DLC1: variants seen among roughly 807,000 people sequenced by gnomAD.
The protein encoded by DLC1 is rho GTPase-activating protein 7.
DLC1 carries 54 observed loss-of-function variants against 140.3 expected under a neutral mutation model. The observed-to-expected ratio is 0.38, with a 90% confidence interval of 0.31 to 0.48. The LOEUF (loss-of-function observed/expected upper bound fraction) is 0.48. Ranked by LOEUF, DLC1 falls within the 20% of genes least tolerant of loss-of-function variation. The pLI is 0.96. For synonymous variants in DLC1, 986 were observed against 728.1 expected, an observed-to-expected ratio of 1.35 and a Z score of -5.70; for missense variants, 2,536 against 1,907.0, an observed-to-expected ratio of 1.33 and a Z score of -6.14.
chr8:13,587,622 T>TATAC (rs1563459796), intron 1 of DLC1, among the ~76,000 whole-genome samples: 1 of 137,162 alleles, frequency 7.3e-6, no homozygotes, highest in Admixed American at 7.5e-5. Flanking sequence ...TATATATATA[T>TATAC]ATACATTGCC....
intron 2 of DLC1, among the ~76,000 whole-genome samples, chr8:13,473,617 G>A (rs934863313): frequency 1.3e-5 from 2 of 151,976 alleles, no homozygotes; most frequent in African/African-American, 2.4e-5. Flanking sequence ...ACTTTCTAGA[G>A]ACTTGTTGAA....
At chr8:13,581,358 C>T (rs1026335416) in intron 1 of DLC1, among the ~76,000 whole-genome samples, 1 of 152,180 alleles carries the variant, frequency 6.6e-6, no homozygotes, top group Admixed American at 6.5e-5. Context: ...CTGTCCCAAA[C>T]AAAACTCTTG....
intron 5 of DLC1, among the ~76,000 whole-genome samples, chr8:13,291,200 C>T (rs556109253): frequency 2.6e-5 from 4 of 152,236 alleles, no homozygotes; most frequent in East Asian, 1.9e-4. Context: ...TGAGCCACTG[C>T]GCCTGGCCAT....
At chr8:13,240,489 C>T (rs889658628) in intron 5 of DLC1, among the ~76,000 whole-genome samples, 4 of 152,114 alleles carry the variant, frequency 2.6e-5, no homozygotes, top group Admixed American at 1.3e-4. Flanking sequence ...TATATGATCA[C>T]AGCTCAGCTC....
chr8:13,359,919 A>G (rs191739487), intron 4 of DLC1, among the ~76,000 whole-genome samples: 38 of 152,314 alleles, frequency 2.5e-4, no homozygotes, highest in African/African-American at 8.7e-4. Context: ...TTGCAGATGC[A>G]TTTACACTTG....
At chr8:13,281,049 C>T (rs956799877) in intron 5 of DLC1, among the ~76,000 whole-genome samples, 22 of 152,128 alleles carry the variant, frequency 1.4e-4, no homozygotes, top group Admixed American at 1.2e-3. Flanking sequence ...AAGGAGTATT[C>T]GTAGAATGAA....
At chr8:13,494,948 C>G (rs1032392978) in intron 2 of DLC1, among the ~76,000 whole-genome samples, 1 of 152,108 alleles carries the variant, frequency 6.6e-6, no homozygotes, top group Admixed American at 6.5e-5. Context: ...AAGACTCCAT[C>G]TCAAAGAAAT....
intron 2 of DLC1, among the ~76,000 whole-genome samples, chr8:13,439,981 A>T (rs1214463468): frequency 1.3e-5 from 2 of 152,218 alleles, no homozygotes; most frequent in Non-Finnish European, 2.9e-5. Context: ...CCATAAAAAT[A>T]GTTAAGTGTT....
intron 4 of DLC1, among the ~76,000 whole-genome samples, chr8:13,393,203 C>A (rs564122552): frequency 1.3e-5 from 2 of 152,038 alleles, no homozygotes; most frequent in Admixed American, 6.6e-5. Flanking sequence ...CTTAGAGGAA[C>A]AATTTTCTAA....
intron 5 of DLC1, among the ~76,000 whole-genome samples, chr8:13,206,913 A>G (rs1431096498): frequency 1.3e-5 from 2 of 152,146 alleles, no homozygotes; most frequent in Admixed American, 6.6e-5. Flanking sequence ...CAGTGATGAT[A>G]AGCAGCTGTC....
At chr8:13,487,493 C>T (rs980313170) in intron 2 of DLC1, among the ~76,000 whole-genome samples, 1 of 152,046 alleles carries the variant, frequency 6.6e-6, no homozygotes, top group African/African-American at 2.4e-5. Context: ...TGTCCCATAA[C>T]AAGAGAAGAC....
intron 5 of DLC1, among the ~76,000 whole-genome samples, chr8:13,131,939 G>A (rs1822130904): frequency 6.6e-6 from 1 of 152,204 alleles, no homozygotes; most frequent in Non-Finnish European, 1.5e-5. Context: ...GGGTGCTGCA[G>A]AGAGGAGGGG....
intron 5 of DLC1, chr8:13,276,393 T>C (rs1563218116): frequency 2.0e-6 from 3 of 1,488,648 alleles, no homozygotes; most frequent in Admixed American, 4.4e-5. Flanking sequence ...GGCCTTGGGG[T>C]CCCCCATCCG....
At chr8:13,518,668 G>A (rs1346221098), upstream of DLC1, among the ~76,000 whole-genome samples, 1 of 152,172 alleles carries the variant, frequency 6.6e-6, no homozygotes, top group Non-Finnish European at 1.5e-5. Flanking sequence ...ATTATGCGTG[G>A]AAGTCAGCTT....
chr8:13,224,174 A>G (rs1394004793), intron 5 of DLC1, among the ~76,000 whole-genome samples: 1 of 152,234 alleles, frequency 6.6e-6, no homozygotes, highest in African/African-American at 2.4e-5. Context: ...CTATTGATTT[A>G]CCCACATGAG....
At chr8:13,431,511 A>AAG (rs1162430550) in intron 2 of DLC1, among the ~76,000 whole-genome samples, 964 of 130,880 alleles carry the variant, frequency 7.4e-3, no homozygotes, top group East Asian at 0.01. Context: ...AAAAAAAAAA[A>AAG]AAAAGAAAAG....
At position 13,091,432 on chromosome 8, in the gene DLC1, C is replaced by T. The variant is rs149560610; in HGVS notation, c.3741G>A (p.Arg1247=). ...NTLKRENSSP[R]VMQRKQSLGK... is the part of the protein sequence containing the mutation. ...CCAAACTTTGTTTTCTTTGCATTACCCTAGGTAGAAGAAATACAGGAGGGG... is the reference window on the plus strand; with the variant it reads ...CCAAACTTTGTTTTCTTTGCATTACTCTAGGTAGAAGAAATACAGGAGGGG... The change falls in exon 14 of 18, where the codon AGG becomes AGA. Residue 1247 remains arginine, a splice_region_variant and synonymous_variant. Coordinates refer to ENST00000276297, the MANE Select transcript of DLC1 (RefSeq NM_182643.3). 107 of 1,613,030 alleles carry T rather than the reference C, an allele frequency of 6.6e-5. No individual in the cohort carries two copies. In the African/African-American group the frequency reaches 1.2e-3, roughly 19 times the overall value.
chr8:13,132,484 A>C (rs1351502541), intron 5 of DLC1, among the ~76,000 whole-genome samples: 1 of 152,056 alleles, frequency 6.6e-6, no homozygotes, highest in African/African-American at 2.4e-5. Context: ...CAAACAGTAA[A>C]CTCTCCCGGA....
chr8:13,288,012 G>C (rs903643309), intron 5 of DLC1, among the ~76,000 whole-genome samples: 1 of 151,928 alleles, frequency 6.6e-6, no homozygotes, highest in Non-Finnish European at 1.5e-5. Context: ...TAAAGATTGT[G>C]TCACTTGTTA....
Sources: gnomAD v4.1 joint callset for allele counts (sites outside exome capture counted in the v4.1 genomes callset) on GRCh38, gnomAD v4.1.1 for gene constraint, MANE v1.5 for transcripts, NCBI Gene and HGNC (gene_info 2026-07-23, HGNC 2026-07-21) for gene names.